POMGNT1: variants seen among roughly 807,000 people sequenced by gnomAD.
POMGNT1 encodes the protein protein O-linked mannose N-acetylglucosaminyltransferase 1 (beta 1,2-).
Under a neutral mutation model 95.6 loss-of-function variants are expected in POMGNT1, and 67 were observed. The ratio of observed to expected loss-of-function variants is 0.70; its 90% CI spans 0.58 to 0.86. The LOEUF is 0.86. Ranked by LOEUF, POMGNT1 falls within the 40% of genes least tolerant of loss-of-function variation. The pLI is 0.00. For synonymous variants in POMGNT1, 298 were observed against 317.9 expected, an observed-to-expected ratio of 0.94 and a Z score of 0.66; for missense variants, 719 against 855.2, an observed-to-expected ratio of 0.84 and a Z score of 1.99.
chr1:46,206,964 T>A (rs920764257), intron 1 of POMGNT1, among the ~76,000 whole-genome samples: 10 of 152,194 alleles, frequency 6.6e-5, no homozygotes, highest in African/African-American at 2.4e-4. Context: ...GAGTCTTCAC[T>A]GTAGAGTGAT....
upstream of POMGNT1, among the ~76,000 whole-genome samples, chr1:46,202,696 CAAAAAAAAAAAAA>C (rs768113273): frequency 3.1e-5 from 1 of 32,256 alleles, no homozygotes; most frequent in African/African-American, 1.3e-4. Context: ...GACTCTGTCT[CAAAAAAAAAAAAA>C]AAAAAAAAAA....
intron 1 of POMGNT1, among the ~76,000 whole-genome samples, chr1:46,214,929 G>A (rs949449372): frequency 6.9e-6 from 1 of 144,674 alleles, no homozygotes; most frequent in African/African-American, 2.6e-5. Context: ...ACTAGAGCAA[G>A]TATAGAAATA....
chr1:46,196,449 C>A lies in POMGNT1; in HGVS notation c.354+282G>T, dbSNP rs1273222433. 6.6e-6 allele frequency among the ~76,000 whole-genome samples: 1 copy of A among 152,202 alleles called. No homozygotes were observed. Among genetic ancestry groups the A allele is most frequent in the African/African-American group, 2.4e-5 (1 of 41,460 alleles). ...ACAAGGCTGAGGCCAAAGAAAGGAC[C>A]AGGGGATGGTTATAAAATAAATCAA... On this transcript the variant is annotated intron_variant, in intron 4 of 21. Transcript: ENST00000371984. This position sits in a 1 kb window ranked among gnomAD's most constrained non-coding sequence, Gnocchi z 4.4.
intron 1 of POMGNT1, among the ~76,000 whole-genome samples, chr1:46,211,560 T>C (rs868509158): frequency 1.2e-4 from 18 of 152,108 alleles, no homozygotes; most frequent in African/African-American, 3.6e-4. Flanking sequence ...ATTTACAGTA[T>C]TATACTTGTC....
upstream of POMGNT1, among the ~76,000 whole-genome samples, chr1:46,202,920 G>GGTGGTGT (rs1553164825): frequency 0.01 from 652 of 64,526 alleles, 53 homozygotes; most frequent in Admixed American, 0.02. Flanking sequence ...GGGGGGGGGT[G>GGTGGTGT]GTGTGTGTGT....
At chr1:46,214,380 T>C (rs558839135) in intron 1 of POMGNT1, among the ~76,000 whole-genome samples, 2 of 148,554 alleles carry the variant, frequency 1.3e-5, no homozygotes, top group Middle Eastern at 7.1e-3. Flanking sequence ...AAAAAGCAAC[T>C]TGAATGAAAT....
intron 1 of POMGNT1, among the ~76,000 whole-genome samples, chr1:46,212,425 C>T (rs540129860): frequency 2.4e-4 from 37 of 151,612 alleles, no homozygotes; most frequent in African/African-American, 7.7e-4. Context: ...GGACTACAGG[C>T]GTACACTGCC....
intron 5 of POMGNT1, 23 bp downstream of exon 5, chr1:46,195,989 G>A: frequency 6.2e-7 from 1 of 1,614,054 alleles, no homozygotes; most frequent in Non-Finnish European, 8.5e-7. Flanking sequence ...AGCCCTCTGG[G>A]TCACCCACCC....
At chr1:46,193,496 C>T in intron 11 of POMGNT1, 68 bp downstream of exon 11, 5 of 1,613,168 alleles carry the variant, frequency 3.1e-6, no homozygotes, top group Non-Finnish European at 3.4e-6. Context: ...GTCTCCCTTG[C>T]CCGTCCCTGG....
intron 1 of POMGNT1, among the ~76,000 whole-genome samples, chr1:46,207,054 C>T (rs545472550): frequency 6.6e-6 from 1 of 152,190 alleles, no homozygotes; most frequent in African/African-American, 2.4e-5. Flanking sequence ...AAATGCTTCT[C>T]TCCACCTCTT....
chr1:46,196,819 C>A lies in POMGNT1; in HGVS notation c.266G>T (p.Arg89Leu). Residue 89 changes from arginine to leucine, a missense_variant, in exon 4 of 22, where the codon CGG becomes CTG. By Grantham distance (102) the Arg-to-Leu change is moderately radical (BLOSUM62 -2). Around this residue, in one of 5 missense-constraint regions of POMGNT1, gnomAD observed 466 missense variants for 517.4 expected, o/e 0.90. Coordinates refer to ENST00000371984, the MANE Select transcript of POMGNT1 (RefSeq NM_017739.4). The surrounding 1 kb of genome is among the most constrained non-coding windows in gnomAD (Gnocchi z 4.4). Reference protein sequence around the residue: ...DEALGRLEPPRRRGSGPRRVL... With the variant: ...DEALGRLEPPLRRGSGPRRVL... ...CCGCCGGGGACCACTGCCTCTGCGC[C>A]GTGGGGGCTCCAGGCGGCCTAGGGC... 6.2e-7 allele frequency: 1 copy of A among 1,614,194 alleles called. No individual in the cohort carries two copies. The highest frequency in any genetic ancestry group is 8.5e-7 in the Non-Finnish European group (1 of 1,180,038).
Position 46,193,887 on chromosome 1 carries a change from G to C in POMGNT1, c.918C>G (p.Val306=). The C allele has an allele frequency of 6.2e-7, 1 of 1,614,198 alleles. No homozygotes were observed. The highest frequency in any genetic ancestry group is 8.5e-7 in the Non-Finnish European group (1 of 1,180,030). ...GGTAATTGGGTCGGTTCCCTGCAAT[G>C]ACAGCCACAGGCACATTGAGGACCT... The part of the protein sequence containing the change: ...DNKVLNVPVA[V]IAGNRPNYLY... The change falls in exon 10 of 22, where the codon GTC becomes GTG. Residue 306 remains valine, a synonymous_variant. Coordinates refer to ENST00000371984, the MANE Select transcript of POMGNT1 (RefSeq NM_017739.4).
At chr1:46,190,576 G>T in intron 18 of POMGNT1, 59 bp from the exon 19 acceptor site, 23 of 1,539,986 alleles carry the variant, frequency 1.5e-5, no homozygotes, top group Non-Finnish European at 2.1e-5. Flanking sequence ...CCCATGGGTA[G>T]CACTGAGCAG....
intron 1 of POMGNT1, among the ~76,000 whole-genome samples, chr1:46,204,013 T>G (rs1364566553): frequency 6.6e-6 from 1 of 152,180 alleles, no homozygotes; most frequent in Non-Finnish European, 1.5e-5. Context: ...TTTTTTCTCC[T>G]TCTGCTAACC....
At position 46,194,596 on chromosome 1, in the gene POMGNT1, G is replaced by C. The variant is rs1047343180; in HGVS notation, c.708C>G (p.Asp236Glu). The C allele has an allele frequency of 5.6e-6, 9 of 1,614,158 alleles. No individual in the cohort carries two copies. The highest frequency in any genetic ancestry group is 7.6e-6 in the Non-Finnish European group (9 of 1,180,018). Residue 236 changes from aspartate (D) to glutamate (E), a missense_variant, in exon 8 of 22, where the codon GAC (aspartate) becomes GAG (glutamate). Asp to Glu is a conservative substitution (Grantham distance 45). This residue lies in a region of POMGNT1 where 466 missense variants were observed against 517.4 expected (regional missense o/e 0.90). Transcript: ENST00000371984. ...GCACATCTGTCTTCAGCAGGACTGG[G>C]TCCCCCCAGGAAGAGAGGGCAGGTG... The part of the protein sequence containing the change: ...SKSPALSSWG[D>E]PVLLKTDVPL...
At chr1:46,198,973 G>A (rs1396688007), upstream of POMGNT1, among the ~76,000 whole-genome samples, 1 of 151,950 alleles carries the variant, frequency 6.6e-6, no homozygotes, top group Non-Finnish European at 1.5e-5. Context: ...ACGGAGTCTC[G>A]CTCTGTCGCC....
Position 46,197,089 on chromosome 1 carries a change from G to A in POMGNT1, c.121-5C>T. 6.2e-7 allele frequency: 1 copy of A among 1,614,164 alleles called. No homozygotes were observed. ...CAGGAAAAGCACGGCCCCTGTCTGA[G>A]GGGAGGGGTAGGGATGATTAAGAGG... On this transcript the variant is annotated splice_polypyrimidine_tract_variant and splice_region_variant and intron_variant, in intron 2 of 21. Coordinates refer to ENST00000371984, the MANE Select transcript of POMGNT1 (RefSeq NM_017739.4).
At position 46,197,466 on chromosome 1, in the gene POMGNT1, G is replaced by T; in HGVS notation, c.120+236C>A. The T allele has an allele frequency of 6.7e-6, 10 of 1,488,446 alleles. No individual in the cohort carries two copies. The Middle Eastern group carries it at 5.2e-4, about 78-fold the overall frequency. The allele number at this position is 1,488,446 out of a possible 1,614,324, so 92.2% of individuals were successfully genotyped here. Reference sequence around the variant, plus strand: ...AGGGGTGTGCCTCTCTGCAAAGCCAGCCTGATCAGACTTCAGGCTTCCGTC... The same window carrying T: ...AGGGGTGTGCCTCTCTGCAAAGCCATCCTGATCAGACTTCAGGCTTCCGTC... On this transcript the variant is annotated intron_variant, in intron 2 of 21. Coordinates refer to ENST00000371984, the MANE Select transcript of POMGNT1 (RefSeq NM_017739.4).
rs1223030962 is a variant in POMGNT1 at position 46,197,698 on chromosome 1, A to G, written c.120+4T>C. On this transcript the variant is annotated splice_donor_region_variant and intron_variant, in intron 2 of 21. Transcript: ENST00000371984. ...GGTGGGGAGGGTTTGGGACATCTCT[A>G]TACCTGACAGAATCTCCGCAGGGCC... The G allele has an allele frequency of 6.2e-6, 10 of 1,614,010 alleles. No individual in the cohort carries two copies. The highest frequency in any genetic ancestry group is 1.3e-5 in the African/African-American group (1 of 75,004).
Sources: allele counts gnomAD v4.1 joint callset (sites outside exome capture counted in the v4.1 genomes callset), GRCh38; gene constraint gnomAD v4.1.1; regional missense constraint gnomAD v4.1.1; non-coding constraint Gnocchi (gnomAD v3.1); transcripts MANE v1.5; gene names NCBI Gene and HGNC (gene_info 2026-07-23, HGNC 2026-07-21).